LANCL3: variants seen among roughly 807,000 people sequenced by gnomAD.
LANCL3 encodes the protein lanC-like protein 3.
Under a neutral mutation model 26.5 loss-of-function variants are expected in LANCL3, and 19 were observed. The observed-to-expected ratio is 0.72, with a 90% CI of 0.50 to 1.05. The LOEUF is 1.05. Ranked by LOEUF, LANCL3 falls within the 50% of genes least tolerant of loss-of-function variation. The pLI is 0.00. For synonymous variants in LANCL3, 160 were observed against 166.6 expected (o/e 0.96, Z 0.30); for missense variants, 318 against 362.7 (o/e 0.88, Z 1.00).
At chrX:37,596,652 T>G (rs1258200945) in intron 1 of LANCL3, among the ~76,000 whole-genome samples, 1 of 112,081 alleles carries the variant, frequency 8.9e-6, no homozygotes, top group Non-Finnish European at 1.9e-5. Flanking sequence ...CCTTTGTCTT[T>G]TGCTTTCTTA....
At chrX:37,611,235 C>A (rs938844479) in intron 1 of LANCL3, among the ~76,000 whole-genome samples, 4 of 112,097 alleles carry the variant, frequency 3.6e-5, no homozygotes, top group Non-Finnish European at 7.5e-5. Flanking sequence ...TTGAACAAAT[C>A]TTTCCATTAT....
chrX:37,655,497 G>T (rs977373775), intron 1 of LANCL3, among the ~76,000 whole-genome samples, 191 bp from the exon 2 acceptor site: 1 of 112,225 alleles, frequency 8.9e-6, no homozygotes, highest in East Asian at 2.8e-4. Context: ...TCTAAAGAGG[G>T]TAGGTTTGAC....
intron 4 of LANCL3, chrX:37,668,331 A>T (rs1449974124): frequency 3.9e-6 from 1 of 256,079 alleles, no homozygotes; most frequent in Admixed American, 5.6e-5. Flanking sequence ...ATATATATAT[A>T]TTTATAATTT....
At chrX:37,665,887 C>A (rs1202069849) in intron 3 of LANCL3, among the ~76,000 whole-genome samples, 1 of 112,127 alleles carries the variant, frequency 8.9e-6, no homozygotes, top group Non-Finnish European at 1.9e-5. Flanking sequence ...AATGACTACT[C>A]TCAAATGAAT....
At chrX:37,637,499 G>A (rs73631189) in intron 1 of LANCL3, among the ~76,000 whole-genome samples, 5,792 of 110,886 alleles carry the variant, frequency 0.052, 380 homozygotes, top group African/African-American at 0.18. Context: ...ATACATGCGC[G>A]TGGCCCCTTC....
At chrX:37,657,093 T>C in intron 2 of LANCL3, among the ~76,000 whole-genome samples, 1 of 112,694 alleles carries the variant, frequency 8.9e-6, no homozygotes, top group South Asian at 3.6e-4. Flanking sequence ...CAGAATCGTT[T>C]CACCCAAGGG....
rs59021016 is a variant in LANCL3, at chrX:37,584,460, T to G, written c.573+12017T>G. 6.9e-3 allele frequency among the ~76,000 whole-genome samples: 763 copies of G among 110,452 alleles called. 10 individuals carry two copies. Among genetic ancestry groups the G allele is most frequent in the African/African-American group, 0.024 (719 of 30,135 alleles). On this transcript the variant is annotated intron_variant, in intron 1 of 4. Transcript: ENST00000378619. ...ATCCATCTGGTCCTGGACTTTTTTT[T>G]GTTGGTAAGCTATTAATTATTGCCT... is the stretch of plus-strand genomic sequence containing the variant.
intron 1 of LANCL3, among the ~76,000 whole-genome samples, chrX:37,630,428 T>C (rs1556423977): frequency 9.3e-6 from 1 of 107,494 alleles, no homozygotes; most frequent in African/African-American, 3.4e-5. Context: ...TTTTCCTAAT[T>C]GAATACCCTT....
intron 1 of LANCL3, among the ~76,000 whole-genome samples, chrX:37,653,457 A>G (rs187799152): frequency 6.2e-5 from 7 of 112,448 alleles, no homozygotes; most frequent in African/African-American, 2.3e-4. Flanking sequence ...TTCCTCTGTC[A>G]TATGGATTCA....
intron 4 of LANCL3, among the ~76,000 whole-genome samples, chrX:37,671,585 A>T (rs1926685637): frequency 9.1e-6 from 1 of 110,414 alleles, no homozygotes; most frequent in Non-Finnish European, 1.9e-5. Flanking sequence ...TCTGTCTACC[A>T]CTGTGGCTTC....
intron 1 of LANCL3, among the ~76,000 whole-genome samples, chrX:37,582,949 G>C (rs782567885): frequency 4.5e-5 from 5 of 111,664 alleles, no homozygotes; most frequent in Admixed American, 9.5e-5. Flanking sequence ...TATGGTTTTA[G>C]GTCTAACATT....
chrX:37,607,536 GA>G (rs1924749590), intron 1 of LANCL3, among the ~76,000 whole-genome samples: 2 of 112,377 alleles, frequency 1.8e-5, no homozygotes, highest in African/African-American at 6.5e-5. Flanking sequence ...TTACTGAATT[GA>G]ATTTATCAGC....
intron 1 of LANCL3, among the ~76,000 whole-genome samples, chrX:37,596,970 ACTC>A (rs1924447903): frequency 1.8e-5 from 2 of 111,233 alleles, no homozygotes; most frequent in Admixed American, 1.9e-4. Flanking sequence ...ATTAACAGTC[ACTC>A]CTCTATTCCT....
chrX:37,584,839 T>C (rs1307516585), intron 1 of LANCL3, among the ~76,000 whole-genome samples: 5 of 111,649 alleles, frequency 4.5e-5, no homozygotes, highest in Admixed American at 3.8e-4. Flanking sequence ...CTTCTGCTAG[T>C]TTTTGAGTGT....
intron 1 of LANCL3, among the ~76,000 whole-genome samples, chrX:37,620,736 C>G (rs1925132784): frequency 8.9e-6 from 1 of 111,785 alleles, no homozygotes; most frequent in Non-Finnish European, 1.9e-5. Flanking sequence ...CAAGACTGAC[C>G]ATGAGACCAT....
chrX:37,625,855 A>G (rs782760946), intron 1 of LANCL3, among the ~76,000 whole-genome samples: 2 of 111,727 alleles, frequency 1.8e-5, no homozygotes, highest in East Asian at 2.8e-4. Flanking sequence ...GTTTTCAATA[A>G]CAAATACTGA....
At chrX:37,652,340 A>G (rs1307601202) in intron 1 of LANCL3, among the ~76,000 whole-genome samples, 1 of 110,379 alleles carries the variant, frequency 9.1e-6, no homozygotes, top group African/African-American at 3.3e-5. Context: ...GAGGTAGTTC[A>G]GTCATAGCAT....
chrX:37,595,719 C>CA (rs1924409290), intron 1 of LANCL3, among the ~76,000 whole-genome samples: 1 of 112,157 alleles, frequency 8.9e-6, no homozygotes, highest in Non-Finnish European at 1.9e-5. Context: ...AAATAATCAT[C>CA]ATTACTTTTA....
At chrX:37,671,215 A>G (rs1181181627) in intron 4 of LANCL3, among the ~76,000 whole-genome samples, 1 of 110,517 alleles carries the variant, frequency 9.0e-6, no homozygotes, top group African/African-American at 3.3e-5. Flanking sequence ...TGATTCTGTT[A>G]CTTCCTTTCT....
Sources: allele counts gnomAD v4.1 joint callset (sites outside exome capture counted in the v4.1 genomes callset), GRCh38; gene constraint gnomAD v4.1.1; transcripts MANE v1.5; gene names NCBI Gene and HGNC (gene_info 2026-07-23, HGNC 2026-07-21).